Variants in SH3GL3 observed in about 807,000 individuals in gnomAD.
The protein encoded by SH3GL3 is endophilin-A3.
SH3GL3 carries 33 observed loss-of-function variants against 47.7 expected under a neutral mutation model. The ratio of observed to expected loss-of-function variants is 0.69; its 90% CI spans 0.52 to 0.92. SH3GL3 has a LOEUF of 0.92. Ranked by LOEUF, SH3GL3 falls within the 40% of genes least tolerant of loss-of-function variation. The pLI, the probability that SH3GL3 is intolerant of heterozygous loss-of-function variation, is 0.00. For synonymous variants in SH3GL3, 155 were observed against 148.8 expected (o/e 1.04, Z -0.30); for missense variants, 363 against 417.8 (o/e 0.87, Z 1.14).
intron 1 of SH3GL3, among the ~76,000 whole-genome samples, chr15:83,485,526 C>T (rs570728037): frequency 6.6e-6 from 1 of 152,178 alleles, no homozygotes; most frequent in Non-Finnish European, 1.5e-5. Context: ...CTCTGTTGCC[C>T]AGGCTAGAGT....
downstream of SH3GL3, among the ~76,000 whole-genome samples, chr15:83,621,672 G>A (rs1314641814): frequency 3.3e-5 from 5 of 152,134 alleles, no homozygotes; most frequent in South Asian, 2.1e-4. Flanking sequence ...CGATAAAAAC[G>A]GTTACCGCAA....
chr15:83,619,382 GA>G (rs1288716281), downstream of SH3GL3, among the ~76,000 whole-genome samples: 2 of 152,090 alleles, frequency 1.3e-5, no homozygotes, highest in African/African-American at 2.4e-5. Context: ...ACATAGACAC[GA>G]GGAGGGGAAC....
chr15:83,613,882 C>G (rs1008031298), intron 8 of SH3GL3, among the ~76,000 whole-genome samples: 1 of 152,108 alleles, frequency 6.6e-6, no homozygotes, highest in Non-Finnish European at 1.5e-5. Flanking sequence ...AAGGAGAGGA[C>G]TCATGGAGGA....
At chr15:83,515,527 G>A (rs180883856) in intron 1 of SH3GL3, among the ~76,000 whole-genome samples, 1 of 151,968 alleles carries the variant, frequency 6.6e-6, no homozygotes, top group Non-Finnish European at 1.5e-5. Flanking sequence ...CATGCAGGTG[G>A]GGGGGGAGGG....
intron 1 of SH3GL3, among the ~76,000 whole-genome samples, chr15:83,478,273 T>C (rs1567253286): frequency 6.6e-6 from 1 of 152,170 alleles, no homozygotes; most frequent in Middle Eastern, 3.4e-3. Context: ...GCACAGAGAT[T>C]TGGGATTCAG....
At chr15:83,551,865 A>G (rs1291192872) in intron 1 of SH3GL3, among the ~76,000 whole-genome samples, 1 of 151,882 alleles carries the variant, frequency 6.6e-6, no homozygotes, top group Non-Finnish European at 1.5e-5. Flanking sequence ...TTGTGTAGAT[A>G]ATCATTACTG....
chr15:83,524,912 G>T (rs558419928), intron 1 of SH3GL3, among the ~76,000 whole-genome samples: 1 of 152,010 alleles, frequency 6.6e-6, no homozygotes, highest in South Asian at 2.1e-4. Context: ...CCATTTATTT[G>T]TTGATGAACA....
rs375938503 is a variant in SH3GL3 at position 83,481,196 on chromosome 15, A to G, written c.45+33618A>G. 3.4e-4 allele frequency among the ~76,000 whole-genome samples: 51 copies of G among 149,248 alleles called. 2 individuals are homozygous for G. The East Asian group carries it at 6.5e-3, about 19-fold the overall frequency. ...AGGCTGAAGCAGGAGAATCGCTTGAACCCGGGAGGCGGAGGTTTCTGTGAG... is the reference window on the plus strand; with the variant it reads ...AGGCTGAAGCAGGAGAATCGCTTGAGCCCGGGAGGCGGAGGTTTCTGTGAG... On this transcript the variant is annotated intron_variant, in intron 1 of 8. Coordinates refer to ENST00000427482, the MANE Select transcript of SH3GL3 (RefSeq NM_003027.5).
At position 83,618,152 on chromosome 15, in the gene SH3GL3, A is replaced by T. The variant is rs756589925; in HGVS notation, c.909A>T (p.Glu303Asp). 6.2e-7 allele frequency: 1 copy of T among 1,613,478 alleles called. No homozygotes were observed. The highest frequency in any genetic ancestry group is 8.5e-7 in the Non-Finnish European group (1 of 1,179,356). The change falls in exon 9 of 9, where the codon GAA becomes GAT. Residue 303 changes from glutamate (E) to aspartate (D), a missense_variant. Transcript: ENST00000427482. ...ACTTTGAGCCAGAAAACCAAGGAGA[A>T]TTAGGATTTAAAGAAGGGGACATCA... ...LYDFEPENQG[E>D]LGFKEGDIIT...
chr15:83,550,623 C>G (rs2044615108), intron 1 of SH3GL3, among the ~76,000 whole-genome samples: 1 of 152,166 alleles, frequency 6.6e-6, no homozygotes, highest in Non-Finnish European at 1.5e-5. Context: ...CTCCTGACCT[C>G]AAGTGATCTG....
chr15:83,514,927 C>G (rs1305985580), intron 1 of SH3GL3, among the ~76,000 whole-genome samples: 2 of 151,938 alleles, frequency 1.3e-5, no homozygotes, highest in African/African-American at 2.4e-5. Context: ...GAAGGCAATG[C>G]GAGGATGGAA....
At chr15:83,515,874 T>C (rs1423681563) in intron 1 of SH3GL3, among the ~76,000 whole-genome samples, 1 of 152,252 alleles carries the variant, frequency 6.6e-6, no homozygotes, top group Non-Finnish European at 1.5e-5. Flanking sequence ...TGGAACATTA[T>C]CTTTGTTTCT....
chr15:83,551,171 T>C (rs1466129627), intron 1 of SH3GL3, among the ~76,000 whole-genome samples: 1 of 152,180 alleles, frequency 6.6e-6, no homozygotes, highest in Non-Finnish European at 1.5e-5. Flanking sequence ...GCTTTGAAAA[T>C]AGTTTTCATT....
At chr15:83,536,206 T>A (rs2043895123) in intron 1 of SH3GL3, among the ~76,000 whole-genome samples, 1 of 152,136 alleles carries the variant, frequency 6.6e-6, no homozygotes, top group Non-Finnish European at 1.5e-5. Flanking sequence ...TACAATCATT[T>A]GCAGGAAGCC....
chr15:83,457,631 A>G (rs1375901840), intron 1 of SH3GL3, among the ~76,000 whole-genome samples: 1 of 152,226 alleles, frequency 6.6e-6, no homozygotes, highest in African/African-American at 2.4e-5. Flanking sequence ...CATTAGAGAG[A>G]AAGATAAAAT....
At chr15:83,472,565 C>G (rs575131151) in intron 1 of SH3GL3, among the ~76,000 whole-genome samples, 2 of 151,850 alleles carry the variant, frequency 1.3e-5, no homozygotes, top group African/African-American at 4.8e-5. Flanking sequence ...CCATTTAGCT[C>G]TTCTTCATAT....
intron 1 of SH3GL3, among the ~76,000 whole-genome samples, chr15:83,550,308 G>A (rs980447391): frequency 2.0e-5 from 3 of 152,150 alleles, no homozygotes; most frequent in South Asian, 2.1e-4. Flanking sequence ...ATTAGACAAC[G>A]TCCACAGCCC....
intron 1 of SH3GL3, among the ~76,000 whole-genome samples, chr15:83,534,729 C>G (rs1367814587): frequency 6.6e-6 from 1 of 152,148 alleles, no homozygotes; most frequent in Non-Finnish European, 1.5e-5. Flanking sequence ...CAGAAAGCAG[C>G]AGAAATTGCA....
chr15:83,471,159 C>T (rs957370925), intron 1 of SH3GL3, among the ~76,000 whole-genome samples: 5 of 151,890 alleles, frequency 3.3e-5, no homozygotes, highest in African/African-American at 1.2e-4. Flanking sequence ...TTCTTTAGCC[C>T]TTCTTTTAGG....
Sources: gnomAD v4.1 joint callset for allele counts (sites outside exome capture counted in the v4.1 genomes callset) on GRCh38, gnomAD v4.1.1 for gene constraint, MANE v1.5 for transcripts, NCBI Gene and HGNC (gene_info 2026-07-23, HGNC 2026-07-21) for gene names.